The following ZNF69 variants were observed in gnomAD, a reference collection of about 807,000 sequenced individuals.
The protein encoded by ZNF69 is ZNF3.
ZNF69 carries 47 observed loss-of-function variants against 50.9 expected under a neutral mutation model. The observed-to-expected ratio is 0.92, with a 90% CI of 0.73 to 1.18. The LOEUF (loss-of-function observed/expected upper bound fraction) is 1.18. Among genes scored for constraint, ZNF69 ranks in the 50% most tolerant of loss-of-function variants. The pLI, the probability that ZNF69 is intolerant of heterozygous loss-of-function variation, is 0.00. For synonymous variants in ZNF69, 216 were observed against 223.1 expected (o/e 0.97, Z 0.29); for missense variants, 717 against 675.1 (o/e 1.06, Z -0.69).
chr19:11,950,164 A>T, the ZNF69 span: 1 of 1,613,826 alleles, frequency 6.2e-7, no homozygotes, highest in Non-Finnish European at 8.5e-7. Flanking sequence ...AAAAGCATTC[A>T]ATTATTTTTC....
At chr19:11,927,542 C>T in the ZNF69 span, among the ~76,000 whole-genome samples, 3 of 152,092 alleles carry the variant, frequency 2.0e-5, no homozygotes, top group African/African-American at 7.2e-5. Flanking sequence ...AACGTACTGT[C>T]TTTAAGTTTT....
downstream of ZNF69, among the ~76,000 whole-genome samples, chr19:11,914,973 G>T (rs1404996061): frequency 6.6e-6 from 1 of 152,180 alleles, no homozygotes; most frequent in African/African-American, 2.4e-5. Context: ...CTAGTCCAAA[G>T]CGGGTGGATC....
chr19:11,907,325 G>T (rs1026176846), downstream of ZNF69, among the ~76,000 whole-genome samples: 1 of 152,060 alleles, frequency 6.6e-6, no homozygotes, highest in Admixed American at 6.6e-5. Flanking sequence ...TACAGAGAAC[G>T]CCACAAAGAT....
At chr19:11,896,862 A>G (rs981714990) in intron 1 of ZNF69, among the ~76,000 whole-genome samples, 1 of 152,196 alleles carries the variant, frequency 6.6e-6, no homozygotes. Flanking sequence ...TGTAAATTTC[A>G]TGGACTAAAA....
the ZNF69 span, among the ~76,000 whole-genome samples, chr19:11,929,616 T>G: frequency 6.7e-6 from 1 of 148,202 alleles, no homozygotes; most frequent in South Asian, 2.1e-4. Context: ...TTCAGGGTCC[T>G]TAGGTAGGAC....
intron 1 of ZNF69, among the ~76,000 whole-genome samples, chr19:11,897,985 A>G (rs995714011): frequency 5.3e-5 from 8 of 152,220 alleles, no homozygotes; most frequent in Admixed American, 4.6e-4. Context: ...ATTCACTGAT[A>G]GTTATTTCTG....
downstream of ZNF69, among the ~76,000 whole-genome samples, chr19:11,907,793 T>A (rs1488971848): frequency 4.6e-5 from 7 of 152,166 alleles, no homozygotes; most frequent in Non-Finnish European, 1.0e-4. Context: ...GTTAACATCA[T>A]AATGACTGGA....
chr19:11,892,040 C>T (rs914860400), intron 1 of ZNF69, among the ~76,000 whole-genome samples: 3 of 151,744 alleles, frequency 2.0e-5, no homozygotes, highest in African/African-American at 4.8e-5. Flanking sequence ...AGCAGTGGTG[C>T]GATCATGGCT....
chr19:11,963,172 C>T, the ZNF69 span, among the ~76,000 whole-genome samples: 1 of 151,874 alleles, frequency 6.6e-6, no homozygotes, highest in South Asian at 2.1e-4. Context: ...TCACAGCAGC[C>T]TCAAACTTTG....
the ZNF69 span, chr19:11,978,570 C>G: frequency 1.9e-6 from 3 of 1,614,174 alleles, no homozygotes; most frequent in East Asian, 4.5e-5. Context: ...CAGATTATAT[C>G]TTATCCATGA....
At chr19:11,940,778 G>A in the ZNF69 span, among the ~76,000 whole-genome samples, 2 of 152,134 alleles carry the variant, frequency 1.3e-5, no homozygotes, top group East Asian at 1.9e-4. Flanking sequence ...TTTTGACAGG[G>A]CGCTGATTGG....
chr19:11,903,617 G>C lies in ZNF69; in HGVS notation c.108G>C (p.Glu36Asp). The change falls in exon 2 of 4, where the codon GAG becomes GAC. Residue 36 changes from glutamate (E) to aspartate (D), a missense_variant. Glu to Asp is a conservative substitution (Grantham distance 45). Transcript: ENST00000429654. ...ATGTTGCTGTGAACTTCACCCAGGA[G>C]GAGTGGGCTTTGCTGGATATTTCCC... is the stretch of plus-strand genomic sequence containing the variant. ...FDDVAVNFTQ[E>D]EWALLDISQR... The C allele has an allele frequency of 6.2e-7, 1 of 1,614,174 alleles. No homozygotes were observed.
At chr19:11,903,473 T>A (rs1167243103) in intron 1 of ZNF69, 100 bp from the exon 2 acceptor site, 2 of 1,552,602 alleles carry the variant, frequency 1.3e-6, no homozygotes, top group East Asian at 2.3e-5. Flanking sequence ...CTGATGACCC[T>A]TGGAGTCCAC....
At chr19:11,978,531 A>T in the ZNF69 span, 2 of 1,614,244 alleles carry the variant, frequency 1.2e-6, no homozygotes, top group South Asian at 2.2e-5. Flanking sequence ...TTATAAATGT[A>T]AGTTTTGTGG....
downstream of ZNF69, among the ~76,000 whole-genome samples, chr19:11,907,432 G>A (rs915456996): frequency 2.0e-5 from 3 of 152,118 alleles, no homozygotes; most frequent in South Asian, 2.1e-4. Context: ...GAGAAAGGTC[G>A]GGTTACCCAC....
the ZNF69 span, among the ~76,000 whole-genome samples, chr19:11,931,384 T>C: frequency 6.8e-6 from 1 of 147,962 alleles, no homozygotes; most frequent in Non-Finnish European, 1.5e-5. Context: ...ACTAATCTCA[T>C]TCAGAAAGGA....
chr19:11,896,217 TAAAAAAAAAAAAAAA>T (rs138289885), intron 1 of ZNF69, among the ~76,000 whole-genome samples: 1 of 63,860 alleles, frequency 1.6e-5, no homozygotes, highest in Admixed American at 2.1e-4. Flanking sequence ...GAAACTCCAT[TAAAAAAAAAAAAAAA>T]AAAAAAAAAA....
At chr19:11,955,835 G>C in the ZNF69 span, among the ~76,000 whole-genome samples, 1 of 152,106 alleles carries the variant, frequency 6.6e-6, no homozygotes, top group East Asian at 1.9e-4. Flanking sequence ...GACCTGGCTG[G>C]CAACTGTTGT....
the ZNF69 span, chr19:11,925,157 C>G: frequency 1.2e-6 from 2 of 1,603,042 alleles, no homozygotes; most frequent in Non-Finnish European, 1.7e-6. Flanking sequence ...TCAGACCAGC[C>G]CGAGAGGGAC....
Sources: allele counts gnomAD v4.1 joint callset (sites outside exome capture counted in the v4.1 genomes callset), GRCh38; gene constraint gnomAD v4.1.1; transcripts MANE v1.5; gene names NCBI Gene and HGNC (gene_info 2026-07-23, HGNC 2026-07-21).